NFASC: variants seen among roughly 807,000 people sequenced by gnomAD.
The protein encoded by NFASC is neurofascin.
A neutral mutation model predicts 147.5 loss-of-function variants in NFASC; 43 were observed. The observed-to-expected ratio is 0.29, with a 90% confidence interval of 0.23 to 0.38. NFASC has a LOEUF of 0.38. Among genes scored for constraint, NFASC ranks in the 10% least tolerant of loss-of-function variants. NFASC has a pLI of 1.00. For synonymous variants in NFASC, 622 were observed against 665.5 expected (o/e 0.93, Z 1.01); for missense variants, 1,320 against 1,689.0 (o/e 0.78, Z 3.83).
At chr1:204,877,985 C>T (rs1363378291) in intron 1 of NFASC, among the ~76,000 whole-genome samples, 1 of 152,176 alleles carries the variant, frequency 6.6e-6, no homozygotes, top group African/African-American at 2.4e-5. Flanking sequence ...ACCCAGGCTT[C>T]CCAGGCAATA....
At chr1:204,942,226 CAGATGAAGG>C (rs1473085339) in intron 2 of NFASC, among the ~76,000 whole-genome samples, 1 of 152,146 alleles carries the variant, frequency 6.6e-6, no homozygotes, top group African/African-American at 2.4e-5. Flanking sequence ...TGCAGGAGCA[CAGATGAAGG>C]ACACGTATGT....
rs1460078228 is a variant in NFASC at position 204,987,373 on chromosome 1, T to C, written c.2471-45T>C. ...TTTTTTGTGTTTTCCTCATCCTCCC[T>C]GCCCCCTCCCCCTCATCTCCCCTGC... On this transcript the variant is annotated intron_variant, in intron 21 of 29. Transcript: ENST00000339876. The surrounding 1 kb of genome is among the most constrained non-coding windows in gnomAD (Gnocchi z 4.4). The C allele has an allele frequency of 6.3e-7, 1 of 1,576,802 alleles. No individual in the cohort carries two copies. The highest frequency in any genetic ancestry group is 1.7e-5 in the Admixed American group (1 of 57,196).
intron 1 of NFASC, among the ~76,000 whole-genome samples, chr1:204,897,200 A>G (rs1195965652): frequency 6.6e-6 from 1 of 152,170 alleles, no homozygotes; most frequent in Non-Finnish European, 1.5e-5. Flanking sequence ...GATATCAAGG[A>G]AGGCCTTTCT....
In NFASC at chr1:204,944,407, G is replaced by A; in HGVS notation, c.91+1G>A. 1 of 1,503,628 alleles carries A rather than the reference G, an allele frequency of 6.7e-7. No individual in the cohort carries two copies. 93.1% of individuals were successfully genotyped at this position (1,503,628 alleles called of 1,614,324 possible). ...GGAGCCATCGAAATTCCTATGGATC[G>A]TGAGTCCTGCCCCATTCTCTTCTCT... On this transcript the variant is annotated splice_donor_variant, in intron 3 of 29. Transcript: ENST00000339876. LOFTEE classifies it high-confidence loss of function.
intron 1 of NFASC, among the ~76,000 whole-genome samples, chr1:204,831,744 G>A (rs369218993): frequency 3.3e-5 from 5 of 152,110 alleles, no homozygotes; most frequent in African/African-American, 1.2e-4. Context: ...TGAGAGGAAC[G>A]TAAGGCCGGT....
In NFASC at chr1:204,903,514, C is replaced by T. The variant is rs554141933; in HGVS notation, c.-199-17118C>T. Among the ~76,000 whole-genome samples the T allele has an allele frequency of 5.3e-5, 8 of 152,358 alleles. No homozygotes were observed. The East Asian group carries it at 1.5e-3, about 29-fold the overall frequency. On this transcript the variant is annotated intron_variant, in intron 1 of 29. Coordinates refer to ENST00000339876, the MANE Select transcript of NFASC (RefSeq NM_001005388.3). ...CTGGGCCTTTGTGGGGTGTCCCCCT[C>T]AGCCCCTCCTGTCCATCGGCTTGTG...
At chr1:204,910,039 T>C (rs2086980167) in intron 1 of NFASC, among the ~76,000 whole-genome samples, 1 of 152,184 alleles carries the variant, frequency 6.6e-6, no homozygotes, top group Admixed American at 6.5e-5. Flanking sequence ...GTTTTTCTTC[T>C]TTGTCAAATT....
At chr1:204,859,690 A>T (rs1358514135) in intron 1 of NFASC, among the ~76,000 whole-genome samples, 1 of 152,164 alleles carries the variant, frequency 6.6e-6, no homozygotes, top group Admixed American at 6.5e-5. Flanking sequence ...GTTGTTTTTT[A>T]TGCACATTAA....
Position 205,015,258 on chromosome 1 carries a change from G to A in NFASC, c.3492-1050G>A, listed in dbSNP as rs1396236809. ...TGTGTGGTGTGTGTCTGCTCAGACC[G>A]CCTGGCACCGCTATGGTCCCACCAC... is the stretch of plus-strand genomic sequence containing the variant. On this transcript the variant is annotated intron_variant, in intron 29 of 29. Transcript: ENST00000339876. This position sits in a 1 kb window ranked among gnomAD's most constrained non-coding sequence, Gnocchi z 4.0. 6.6e-6 allele frequency among the ~76,000 whole-genome samples: 1 copy of A among 152,242 alleles called. No individual in the cohort carries two copies. Among genetic ancestry groups the A allele is most frequent in the African/African-American group, 2.4e-5 (1 of 41,550 alleles).
At chr1:204,853,483 A>T (rs1189138307) in intron 1 of NFASC, among the ~76,000 whole-genome samples, 1 of 152,118 alleles carries the variant, frequency 6.6e-6, no homozygotes, top group Admixed American at 6.5e-5. Context: ...CTTCTTACCT[A>T]GGGCTTAGTC....
At chr1:204,961,950 T>C (rs1396444565) in intron 8 of NFASC, among the ~76,000 whole-genome samples, 3 of 152,246 alleles carry the variant, frequency 2.0e-5, no homozygotes, top group Non-Finnish European at 4.4e-5. Context: ...TCACTGAGCG[T>C]ATTGCCTTTC....
chr1:204,967,961 C>CGAAT, intron 8 of NFASC: 8 of 266,794 alleles, frequency 3.0e-5, no homozygotes, highest in East Asian at 1.7e-4. Context: ...CTCAGACAGC[C>CGAAT]CCTCCCCGTT....
chr1:204,988,158 T>C (rs1408237671), intron 22 of NFASC, among the ~76,000 whole-genome samples: 1 of 152,200 alleles, frequency 6.6e-6, no homozygotes, highest in African/African-American at 2.4e-5. Context: ...TGTTAGCAAT[T>C]TTAATAGCCA....
At chr1:204,959,348 C>A (rs1029505231) in intron 8 of NFASC, among the ~76,000 whole-genome samples, 2 of 152,212 alleles carry the variant, frequency 1.3e-5, no homozygotes, top group African/African-American at 2.4e-5. Flanking sequence ...GTTGCTCCCC[C>A]GTCCCTGACT....
intron 1 of NFASC, among the ~76,000 whole-genome samples, chr1:204,907,888 GGAAA>G (rs567296686): frequency 1.3e-3 from 203 of 152,122 alleles, no homozygotes; most frequent in Non-Finnish European, 2.4e-3. Context: ...AATACACCTG[GGAAA>G]GTGTTTTAGT....
intron 16 of NFASC, among the ~76,000 whole-genome samples, chr1:204,977,443 G>C (rs998140935): frequency 6.6e-6 from 1 of 152,208 alleles, no homozygotes; most frequent in East Asian, 1.9e-4. Flanking sequence ...GGTGGGCCCA[G>C]ACACGATAGT....
intron 1 of NFASC, among the ~76,000 whole-genome samples, chr1:204,866,169 A>G (rs2077089960): frequency 6.6e-6 from 1 of 152,208 alleles, no homozygotes; most frequent in South Asian, 2.1e-4. Flanking sequence ...ATCAGGGTCT[A>G]GCTCAGGTCC....
chr1:204,884,974 A>G (rs1483328461), intron 1 of NFASC, among the ~76,000 whole-genome samples: 1 of 152,196 alleles, frequency 6.6e-6, no homozygotes, highest in African/African-American at 2.4e-5. Context: ...AGATCCATAA[A>G]GAAGTAGCTG....
In NFASC at chr1:205,017,998, C is replaced by T. The variant is rs892672540; in HGVS notation, c.*1459C>T. The T allele has an allele frequency of 6.5e-6, 1 of 152,816 alleles. No homozygotes were observed. Among genetic ancestry groups the T allele is most frequent in the Non-Finnish European group, 1.5e-5 (1 of 68,122 alleles). 9.5% of individuals were successfully genotyped at this position (152,816 alleles called of 1,614,324 possible). On this transcript the variant is annotated 3_prime_UTR_variant, in exon 30 of 30. Coordinates refer to ENST00000339876, the MANE Select transcript of NFASC (RefSeq NM_001005388.3). ...AGCCTATGCAAGTGTTCCGGCAGGA[C>T]CAGAAGTGGCCACTCAACACACGTC... is the stretch of plus-strand genomic sequence containing the variant.
Sources: gnomAD v4.1 joint callset for allele counts (sites outside exome capture counted in the v4.1 genomes callset) on GRCh38, gnomAD v4.1.1 for gene constraint, Gnocchi (gnomAD v3.1) non-coding constraint, MANE v1.5 for transcripts, NCBI Gene and HGNC (gene_info 2026-07-23, HGNC 2026-07-21) for gene names.